The following PRSS55 variants were observed in gnomAD, a reference collection of about 807,000 sequenced individuals.
The protein encoded by PRSS55 is probable serine protease UNQ9391/PRO34284.
In PRSS55, 41 loss-of-function variants were observed where a neutral mutation model predicts 23.6. The ratio of observed to expected loss-of-function variants is 1.74; its 90% CI spans 1.35 to 2.26. The LOEUF is 2.26. Ranked by LOEUF, PRSS55 falls within the 30% of genes most tolerant of loss-of-function variation. The pLI, the probability that PRSS55 is intolerant of heterozygous loss-of-function variation, is 0.00. For missense variants in PRSS55, 669 were observed against 439.1 expected (o/e 1.52, Z -4.68); for synonymous variants, 262 against 175.5 (o/e 1.49, Z -3.90).
At chr8:10,544,145 A>G (rs201587626) in intron 4 of PRSS55, among the ~76,000 whole-genome samples, 2 of 84,044 alleles carry the variant, frequency 2.4e-5, no homozygotes, top group African/African-American at 7.0e-5. Context: ...TCTGTTATTA[A>G]ATTGTCTCTT....
At chr8:10,541,481 G>A (rs1171850402), downstream of PRSS55, 2 of 152,126 alleles carry the variant, frequency 1.3e-5, no homozygotes, top group Non-Finnish European at 2.9e-5. Flanking sequence ...AACCAGAGCA[G>A]CACCACCAGC....
chr8:10,543,463 C>CCTTT (rs754211855), downstream of PRSS55, among the ~76,000 whole-genome samples: 2,373 of 49,622 alleles, frequency 0.048, 109 homozygotes, highest in East Asian at 0.2. Flanking sequence ...TTCCTTCCTT[C>CCTTT]CTTTCTTTCT....
chr8:10,536,561 A>G (rs1048999666), intron 4 of PRSS55, among the ~76,000 whole-genome samples: 1 of 152,226 alleles, frequency 6.6e-6, no homozygotes, highest in Non-Finnish European at 1.5e-5. Flanking sequence ...AGACACATGC[A>G]TGCATATGTT....
At chr8:10,528,485 G>A (rs772874649) in intron 1 of PRSS55, among the ~76,000 whole-genome samples, 52 of 152,218 alleles carry the variant, frequency 3.4e-4, no homozygotes, top group Non-Finnish European at 8.8e-5. Flanking sequence ...TATTCACGGA[G>A]CATCTCCTCT....
chr8:10,552,607 G>A (rs1170342501), intron 4 of PRSS55, among the ~76,000 whole-genome samples: 2 of 152,186 alleles, frequency 1.3e-5, no homozygotes, highest in African/African-American at 4.8e-5. Flanking sequence ...ATTTAAAAAT[G>A]GGCAAAGGAC....
At chr8:10,542,873 C>CA (rs57410579), downstream of PRSS55, among the ~76,000 whole-genome samples, 3 of 80,990 alleles carry the variant, frequency 3.7e-5, no homozygotes, top group African/African-American at 1.4e-4. Context: ...AACTTTGTCT[C>CA]AAAAAAAAAA....
intron 1 of PRSS55, 75 bp from the exon 2 acceptor site, chr8:10,529,432 G>T (rs754881010): frequency 1.4e-6 from 2 of 1,479,270 alleles, no homozygotes; most frequent in African/African-American, 2.8e-5. Context: ...GCTCCTCCCA[G>T]CCCGGTCCCC....
chr8:10,532,403 C>T (rs1049568387), intron 3 of PRSS55, among the ~76,000 whole-genome samples: 3 of 152,270 alleles, frequency 2.0e-5, no homozygotes, highest in African/African-American at 2.4e-5. Flanking sequence ...CGGCATCTGG[C>T]GGCCCAGAAA....
At chr8:10,554,035 C>A in exon 5 of PRSS55, 1 of 1,519,540 alleles carries the variant, frequency 6.6e-7, no homozygotes, top group Non-Finnish European at 8.8e-7. Context: ...AAAACTGATG[C>A]TTTGCTCTTT....
intron 4 of PRSS55, among the ~76,000 whole-genome samples, chr8:10,549,066 G>A (rs892766003): frequency 9.2e-5 from 14 of 152,194 alleles, no homozygotes; most frequent in African/African-American, 3.4e-4. Context: ...GGTGGCCCCT[G>A]GAGCCTGGAG....
chr8:10,548,407 T>G (rs1276341886), intron 4 of PRSS55, among the ~76,000 whole-genome samples: 3 of 152,020 alleles, frequency 2.0e-5, no homozygotes, highest in African/African-American at 7.2e-5. Context: ...CAGGAGAGGC[T>G]TGTCCCCACC....
At chr8:10,527,015 T>C (rs536667473) in intron 1 of PRSS55, among the ~76,000 whole-genome samples, 298 of 152,320 alleles carry the variant, frequency 2.0e-3, no homozygotes, top group African/African-American at 6.9e-3. Context: ...GCACCCATCA[T>C]AGCTGCCCAC....
At chr8:10,542,768 G>A (rs1170085433), downstream of PRSS55, among the ~76,000 whole-genome samples, 3 of 150,890 alleles carry the variant, frequency 2.0e-5, no homozygotes, top group African/African-American at 7.3e-5. Context: ...AGCTACTTGA[G>A]AGGCTAAGGC....
chr8:10,541,604 ATATT>A (rs1255230177), downstream of PRSS55: 1 of 151,976 alleles, frequency 6.6e-6, no homozygotes, highest in African/African-American at 2.4e-5. Flanking sequence ...ACCTATATCT[ATATT>A]TATATCATCT....
At chr8:10,545,734 A>C (rs1812800632) in intron 4 of PRSS55, among the ~76,000 whole-genome samples, 1 of 152,210 alleles carries the variant, frequency 6.6e-6, no homozygotes, top group African/African-American at 2.4e-5. Context: ...CTGTAGAGAC[A>C]TGTGTTATTC....
chr8:10,531,400 C>A lies in PRSS55; in HGVS notation c.453C>A (p.Ala151=). 6.2e-7 allele frequency: 1 copy of A among 1,614,224 alleles called. No individual in the cohort carries two copies. The highest frequency in any genetic ancestry group is 1.6e-4 in the Middle Eastern group (1 of 6,062). ...SIILHKDFKR[A]NMDNDIALLL... Reference sequence around the variant, plus strand: ...TTCTTCACAAAGACTTTAAGAGAGCCAACATGGACAATGACATTGCCTTGC... The same window carrying A: ...TTCTTCACAAAGACTTTAAGAGAGCAAACATGGACAATGACATTGCCTTGC... The change falls in exon 3 of 5, where the codon GCC becomes GCA. Residue 151 remains alanine (A), a synonymous_variant. Transcript: ENST00000328655.
chr8:10,526,864 G>C (rs1284247384), intron 1 of PRSS55, among the ~76,000 whole-genome samples: 1 of 152,190 alleles, frequency 6.6e-6, no homozygotes, highest in Non-Finnish European at 1.5e-5. Context: ...AAGAAAGGGG[G>C]GTGGGTACCC....
intron 4 of PRSS55, chr8:10,553,929 T>G: frequency 6.1e-6 from 4 of 660,304 alleles, no homozygotes; most frequent in Non-Finnish European, 6.0e-6. Context: ...GTCAATTTAA[T>G]TTTTTTTTTA....
intron 4 of PRSS55, among the ~76,000 whole-genome samples, chr8:10,552,487 A>G (rs148150950): frequency 6.3e-4 from 96 of 152,362 alleles, no homozygotes; most frequent in African/African-American, 2.2e-3. Flanking sequence ...GTAAAGAGAC[A>G]ACCTTTGGAA....
Sources: allele counts gnomAD v4.1 joint callset (sites outside exome capture counted in the v4.1 genomes callset), GRCh38; gene constraint gnomAD v4.1.1; transcripts MANE v1.5; gene names NCBI Gene and HGNC (gene_info 2026-07-23, HGNC 2026-07-21).